The following SGCD variants were observed in gnomAD, a reference collection of about 807,000 sequenced individuals.
SGCD encodes the protein delta-sarcoglycan.
Under a neutral mutation model 36.6 loss-of-function variants are expected in SGCD, and 18 were observed. The ratio of observed to expected loss-of-function variants is 0.49; its 90% CI spans 0.34 to 0.73. SGCD has a LOEUF of 0.73. Ranked by LOEUF, SGCD falls within the 30% of genes least tolerant of loss-of-function variation. The pLI, the probability that SGCD is intolerant of heterozygous loss-of-function variation, is 0.01. For synonymous variants in SGCD, 133 were observed against 130.6 expected, an observed-to-expected ratio of 1.02 and a Z score of -0.12; for missense variants, 387 against 346.7, an observed-to-expected ratio of 1.12 and a Z score of -0.92.
At position 156,076,032 on chromosome 5, in the gene SGCD, A is replaced by T. The variant is rs183733402; in HGVS notation, c.-281-41846A>T. On this transcript the variant is annotated intron_variant, in intron 1 of 9. Coordinates refer to the SGCD transcript ENST00000517913. ...CCTTTTGATGTGAAAAATACTGTAG[A>T]CTAGTAGCACTTATTTTGGATTTGG... 2.0e-4 allele frequency among the ~76,000 whole-genome samples: 30 copies of T among 152,062 alleles called. 1 individual carries two copies. The highest frequency in any genetic ancestry group is 7.0e-4 in the African/African-American group (29 of 41,498).
rs529340813 is a variant in SGCD, at chr5:156,094,862, G to A, written c.-281-23016G>A. Reference sequence around the variant, plus strand: ...CTAAAAATACAAAAATTAGCTGGGCGTGGTGGCACATGCCTGTAATCCCAG... The same window carrying A: ...CTAAAAATACAAAAATTAGCTGGGCATGGTGGCACATGCCTGTAATCCCAG... On this transcript the variant is annotated intron_variant, in intron 1 of 9. Coordinates refer to the SGCD transcript ENST00000517913. Among the ~76,000 whole-genome samples the A allele has an allele frequency of 3.3e-4, 50 of 152,210 alleles. 1 individual carries two copies. Among genetic ancestry groups the A allele is most frequent in the Admixed American group, 1.8e-3 (27 of 15,282 alleles).
intron 3 of SGCD, among the ~76,000 whole-genome samples, chr5:156,440,749 G>A (rs1468266102): frequency 6.6e-6 from 1 of 152,086 alleles, no homozygotes; most frequent in Non-Finnish European, 1.5e-5. Context: ...TTGGCCATGT[G>A]ATATACCTCC....
At chr5:156,517,009 CA>C (rs1375959268) in intron 4 of SGCD, among the ~76,000 whole-genome samples, 1 of 151,952 alleles carries the variant, frequency 6.6e-6, no homozygotes, top group Non-Finnish European at 1.5e-5. Context: ...AAAAACAAAA[CA>C]AAAAACAAAA....
the SGCD span, among the ~76,000 whole-genome samples, chr5:155,853,146 A>G: frequency 6.6e-6 from 1 of 152,070 alleles, no homozygotes; most frequent in Non-Finnish European, 1.5e-5. Context: ...ATGGAGAGAA[A>G]CATCCATTAT....
chr5:156,329,874 G>A (rs373344412), intron 2 of SGCD, among the ~76,000 whole-genome samples: 45 of 151,788 alleles, frequency 3.0e-4, no homozygotes, highest in East Asian at 1.4e-3. Context: ...AAAATTAGCC[G>A]GACATGGTGG....
chr5:155,913,498 C>T (rs1756674073), intron 1 of SGCD, among the ~76,000 whole-genome samples: 1 of 152,194 alleles, frequency 6.6e-6, no homozygotes, highest in South Asian at 2.1e-4. Context: ...TCAACCTCTT[C>T]AGTCTGACCA....
the SGCD span, among the ~76,000 whole-genome samples, chr5:155,834,415 G>A: frequency 1.3e-5 from 2 of 152,186 alleles, no homozygotes; most frequent in African/African-American, 4.8e-5. Context: ...CAATTGAAAG[G>A]ATAAAAAGTA....
At chr5:156,189,666 G>T (rs1472467645) in intron 3 of SGCD, among the ~76,000 whole-genome samples, 1 of 151,926 alleles carries the variant, frequency 6.6e-6, no homozygotes, top group African/African-American at 2.4e-5. Flanking sequence ...GAAAGGACAA[G>T]AATAAATCCG....
chr5:156,668,093 C>T (rs955284036), intron 7 of SGCD, among the ~76,000 whole-genome samples: 1 of 151,982 alleles, frequency 6.6e-6, no homozygotes, highest in African/African-American at 2.4e-5. Flanking sequence ...TTCATTTTGC[C>T]CAAAACCCAA....
intron 6 of SGCD, among the ~76,000 whole-genome samples, chr5:156,603,037 T>C (rs1291661852): frequency 1.3e-5 from 2 of 150,672 alleles, no homozygotes; most frequent in Admixed American, 1.3e-4. Flanking sequence ...CTTTAAGTGT[T>C]TGGCAAGAAG....
chr5:155,793,890 T>C, the SGCD span, among the ~76,000 whole-genome samples: 20 of 150,596 alleles, frequency 1.3e-4, no homozygotes, highest in African/African-American at 4.9e-4. Flanking sequence ...AAAGCCTGTT[T>C]GCCTGTTTTC....
At chr5:156,308,849 A>G (rs1237221390) in intron 3 of SGCD, among the ~76,000 whole-genome samples, 4 of 152,218 alleles carry the variant, frequency 2.6e-5, no homozygotes, top group African/African-American at 9.7e-5. Flanking sequence ...GTCTAGTGAT[A>G]ATGAAATTGC....
chr5:156,609,215 C>T (rs1761650552), intron 6 of SGCD, among the ~76,000 whole-genome samples: 2 of 152,064 alleles, frequency 1.3e-5, no homozygotes, highest in African/African-American at 4.8e-5. Context: ...GTGCTTCCTT[C>T]CGGAGCTGTT....
At chr5:156,243,125 G>A (rs546800999) in intron 3 of SGCD, among the ~76,000 whole-genome samples, 1 of 152,306 alleles carries the variant, frequency 6.6e-6, no homozygotes, top group Admixed American at 6.5e-5. Context: ...GCCCACACAA[G>A]GTGATGAGCA....
At chr5:156,704,186 T>TTCCCTCCTGTGGCTTCCATTC (rs1754647650) in intron 7 of SGCD, 2 of 152,228 alleles carry the variant, frequency 1.3e-5, no homozygotes, top group African/African-American at 4.8e-5. Context: ...AAGTTCCGTT[T>TTCCCTCCTGTGGCTTCCATTC]TCCCTCCTGT....
chr5:156,406,790 T>TTATATATATATA (rs200600544), intron 3 of SGCD, among the ~76,000 whole-genome samples: 598 of 75,048 alleles, frequency 8.0e-3, no homozygotes, highest in South Asian at 0.014. Context: ...ATAGGAGATT[T>TTATATATATATA]TATATATATA....
At chr5:156,665,231 T>A (rs1175610993) in intron 7 of SGCD, among the ~76,000 whole-genome samples, 1 of 152,142 alleles carries the variant, frequency 6.6e-6, no homozygotes, top group African/African-American at 2.4e-5. Flanking sequence ...GGAAGAGGAC[T>A]TGTGCCTCGT....
chr5:156,502,199 A>G (rs1756486575), intron 3 of SGCD, among the ~76,000 whole-genome samples: 1 of 151,908 alleles, frequency 6.6e-6, no homozygotes, highest in African/African-American at 2.4e-5. Flanking sequence ...GGCACCCACC[A>G]CCACCCCTGG....
intron 3 of SGCD, among the ~76,000 whole-genome samples, chr5:156,295,353 A>G (rs936851681): frequency 4.6e-5 from 7 of 151,974 alleles, no homozygotes; most frequent in Admixed American, 1.3e-4. Context: ...TTTTTTGCTT[A>G]GTCTATCTTG....
Sources: allele counts gnomAD v4.1 joint callset (sites outside exome capture counted in the v4.1 genomes callset), GRCh38; gene constraint gnomAD v4.1.1; transcripts MANE v1.5; gene names NCBI Gene and HGNC (gene_info 2026-07-23, HGNC 2026-07-21).